SPOCK1: variants seen among roughly 807,000 people sequenced by gnomAD.
SPOCK1 encodes the protein testican-1.
A neutral mutation model predicts 55.3 loss-of-function variants in SPOCK1; 23 were observed. The ratio of observed to expected loss-of-function variants is 0.42; its 90% confidence interval spans 0.30 to 0.59. The LOEUF is 0.59. Ranked by LOEUF, SPOCK1 falls within the 20% of genes least tolerant of loss-of-function variation. The probability of loss-of-function intolerance (pLI) is 0.22; values close to 1 mark genes in which losing one functional copy is unlikely to be tolerated. For synonymous variants in SPOCK1, 226 were observed against 221.0 expected, an observed-to-expected ratio of 1.02 and a Z score of -0.20; for missense variants, 499 against 552.5, an observed-to-expected ratio of 0.90 and a Z score of 0.97.
At chr5:137,073,517 G>A (rs370514641) in intron 5 of SPOCK1, among the ~76,000 whole-genome samples, 62 of 152,310 alleles carry the variant, frequency 4.1e-4, no homozygotes, top group Middle Eastern at 3.4e-3. Context: ...TAGTGGAACC[G>A]ATGGTTGGCC....
chr5:137,390,601 G>C (rs1178404884), intron 2 of SPOCK1, among the ~76,000 whole-genome samples: 4 of 152,190 alleles, frequency 2.6e-5, no homozygotes, highest in African/African-American at 9.7e-5. Context: ...AGCATACAAA[G>C]AGATTGAGAG....
chr5:137,449,636 C>T (rs1288410518), intron 2 of SPOCK1, among the ~76,000 whole-genome samples: 4 of 152,080 alleles, frequency 2.6e-5, no homozygotes, highest in Non-Finnish European at 4.4e-5. Flanking sequence ...TACCTGTAAT[C>T]CCTGTACTTA....
intron 2 of SPOCK1, among the ~76,000 whole-genome samples, chr5:137,469,261 T>TAACTCAGGAAGGA (rs1221537780): frequency 6.6e-6 from 1 of 152,192 alleles, no homozygotes; most frequent in Non-Finnish European, 1.5e-5. Context: ...TCAAGGAACT[T>TAACTCAGGAAGGA]AACATTTTAA....
At chr5:137,254,627 C>T (rs1471639126) in intron 3 of SPOCK1, among the ~76,000 whole-genome samples, 4 of 152,338 alleles carry the variant, frequency 2.6e-5, no homozygotes, top group Non-Finnish European at 4.4e-5. Flanking sequence ...ATTTCCCACC[C>T]GTGTAAAGCC....
intron 6 of SPOCK1, among the ~76,000 whole-genome samples, chr5:137,067,081 G>A (rs529028698): frequency 9.2e-5 from 14 of 151,878 alleles, no homozygotes; most frequent in African/African-American, 2.9e-4. Flanking sequence ...AAATTCAAAC[G>A]TCTATCTTGG....
chr5:137,197,780 C>T (rs1755332737), intron 3 of SPOCK1, among the ~76,000 whole-genome samples: 1 of 152,150 alleles, frequency 6.6e-6, no homozygotes, highest in Non-Finnish European at 1.5e-5. Flanking sequence ...ACTTACCTAC[C>T]AGAGTTCAGT....
intron 5 of SPOCK1, among the ~76,000 whole-genome samples, chr5:137,086,751 C>T (rs368047998): frequency 3.9e-4 from 59 of 152,238 alleles, no homozygotes; most frequent in African/African-American, 1.3e-3. Flanking sequence ...AATTCCTGAT[C>T]CCAGAAAGTT....
intron 4 of SPOCK1, among the ~76,000 whole-genome samples, chr5:137,115,914 A>G (rs998629839): frequency 6.6e-6 from 1 of 152,264 alleles, no homozygotes; most frequent in Non-Finnish European, 1.5e-5. Context: ...AAAATTTTTA[A>G]TCAAGATATT....
intron 2 of SPOCK1, among the ~76,000 whole-genome samples, chr5:137,336,555 A>G (rs552380573): frequency 1.3e-5 from 2 of 152,346 alleles, no homozygotes; most frequent in East Asian, 3.9e-4. Context: ...AGCAGTGCAG[A>G]GCAGAAAGCA....
intron 5 of SPOCK1, among the ~76,000 whole-genome samples, chr5:137,071,717 C>G (rs1752618460): frequency 1.3e-5 from 2 of 152,182 alleles, no homozygotes; most frequent in Non-Finnish European, 2.9e-5. Context: ...GTGTGAAGCT[C>G]TGCTCCTGAG....
At chr5:137,017,222 A>T (rs1373619320) in intron 6 of SPOCK1, among the ~76,000 whole-genome samples, 1 of 152,212 alleles carries the variant, frequency 6.6e-6, no homozygotes, top group Non-Finnish European at 1.5e-5. Context: ...CTGCCTCCCT[A>T]CAAGGCTTTG....
At chr5:137,373,297 T>G (rs1751242080) in intron 2 of SPOCK1, among the ~76,000 whole-genome samples, 1 of 152,188 alleles carries the variant, frequency 6.6e-6, no homozygotes, top group Non-Finnish European at 1.5e-5. Flanking sequence ...AAAGCCTCCA[T>G]AAGATTAACA....
At chr5:137,200,984 T>G (rs1202461614) in intron 3 of SPOCK1, among the ~76,000 whole-genome samples, 3 of 152,194 alleles carry the variant, frequency 2.0e-5, no homozygotes, top group African/African-American at 7.2e-5. Flanking sequence ...CCACTCTGTT[T>G]TACAACACAG....
intron 10 of SPOCK1, 31 bp downstream of exon 10, chr5:136,979,301 T>C (rs748619846): frequency 6.8e-6 from 11 of 1,613,288 alleles, no homozygotes; most frequent in Admixed American, 1.7e-5. Context: ...ACCCAGGTCA[T>C]TGTGGGGCTC....
intron 5 of SPOCK1, among the ~76,000 whole-genome samples, chr5:137,083,554 C>T (rs962542741): frequency 6.6e-5 from 10 of 152,068 alleles, no homozygotes; most frequent in East Asian, 3.9e-4. Flanking sequence ...GCTAGGGATA[C>T]GATGGTAAAC....
chr5:137,351,614 G>A (rs575352047), intron 2 of SPOCK1, among the ~76,000 whole-genome samples: 2 of 152,290 alleles, frequency 1.3e-5, no homozygotes, highest in East Asian at 3.9e-4. Context: ...CAGCCATCTT[G>A]CAAAGGGGCC....
intron 2 of SPOCK1, among the ~76,000 whole-genome samples, chr5:137,405,652 G>A (rs1373234990): frequency 1.3e-5 from 2 of 152,092 alleles, no homozygotes; most frequent in Non-Finnish European, 2.9e-5. Flanking sequence ...ACAAGTGAGA[G>A]GTACCAAGAA....
intron 3 of SPOCK1, among the ~76,000 whole-genome samples, chr5:137,233,730 T>G (rs1307328503): frequency 7.0e-5 from 9 of 129,032 alleles, no homozygotes; most frequent in Non-Finnish European, 8.7e-5. Context: ...TTTTTTTTTT[T>G]TTTTTTTTGG....
chr5:137,160,585 TAA>T (rs1443440032), intron 3 of SPOCK1, among the ~76,000 whole-genome samples: 27 of 65,560 alleles, frequency 4.1e-4, no homozygotes, highest in East Asian at 6.2e-4. Flanking sequence ...ATAATATATA[TAA>T]TATATAATAT....
Sources: allele counts gnomAD v4.1 joint callset (sites outside exome capture counted in the v4.1 genomes callset), GRCh38; gene constraint gnomAD v4.1.1; transcripts MANE v1.5; gene names NCBI Gene and HGNC (gene_info 2026-07-23, HGNC 2026-07-21).